The following THSD4 variants were observed in gnomAD, a reference collection of about 807,000 sequenced individuals.
The protein encoded by THSD4 is thrombospondin type-1 domain-containing protein 4.
Under a neutral mutation model 119.0 loss-of-function variants are expected in THSD4, and 69 were observed. The observed-to-expected ratio is 0.58, with a 90% confidence interval of 0.48 to 0.71. The LOEUF is 0.71. Ranked by LOEUF, THSD4 falls within the 30% of genes least tolerant of loss-of-function variation. The pLI is 0.00. For synonymous variants in THSD4, 524 were observed against 540.4 expected, an observed-to-expected ratio of 0.97 and a Z score of 0.42; for missense variants, 1,393 against 1,391.1, an observed-to-expected ratio of 1.00 and a Z score of -0.02.
intron 7 of THSD4, among the ~76,000 whole-genome samples, chr15:71,426,204 C>T (rs966690786): frequency 1.3e-4 from 20 of 152,214 alleles, no homozygotes; most frequent in African/African-American, 4.3e-4. Context: ...AGCTGGGACA[C>T]CACTTGGCTT....
intron 6 of THSD4, among the ~76,000 whole-genome samples, chr15:71,292,693 T>C (rs77111564): frequency 6.6e-6 from 1 of 151,308 alleles, no homozygotes; most frequent in Non-Finnish European, 1.5e-5. Context: ...TTTTTTTTTT[T>C]TGAGACGGAG....
At chr15:71,409,725 C>T (rs769442286) in intron 6 of THSD4, among the ~76,000 whole-genome samples, 14 of 152,064 alleles carry the variant, frequency 9.2e-5, no homozygotes, top group Non-Finnish European at 1.3e-4. Flanking sequence ...GAATAGAAGG[C>T]AGTTTATTGC....
intron 6 of THSD4, among the ~76,000 whole-genome samples, chr15:71,390,050 AC>A (rs1442343704): frequency 2.6e-5 from 4 of 151,956 alleles, no homozygotes; most frequent in Non-Finnish European, 5.9e-5. Flanking sequence ...TGATCCGCCC[AC>A]CTCAGCCTCT....
chr15:71,717,310 A>G (rs1204963425), intron 8 of THSD4, among the ~76,000 whole-genome samples: 1 of 152,262 alleles, frequency 6.6e-6, no homozygotes, highest in African/African-American at 2.4e-5. Flanking sequence ...TGGCAGTTAG[A>G]AAGCAGTTAT....
At chr15:71,621,583 A>T (rs1254892393) in intron 7 of THSD4, among the ~76,000 whole-genome samples, 1 of 152,216 alleles carries the variant, frequency 6.6e-6, no homozygotes, top group Non-Finnish European at 1.5e-5. Flanking sequence ...GTGTTAAGTT[A>T]TTGATATTCT....
At chr15:71,611,560 C>G (rs1430541145) in intron 7 of THSD4, among the ~76,000 whole-genome samples, 1 of 152,158 alleles carries the variant, frequency 6.6e-6, no homozygotes, top group Non-Finnish European at 1.5e-5. Context: ...ACTGGGGACC[C>G]CCAAAGAGCT....
At chr15:71,285,172 T>C (rs1343198342) in intron 6 of THSD4, among the ~76,000 whole-genome samples, 1 of 152,208 alleles carries the variant, frequency 6.6e-6, no homozygotes, top group Non-Finnish European at 1.5e-5. Flanking sequence ...ATTACTCCAT[T>C]AAATAATTTA....
chr15:71,759,205 A>G (rs2053592328), intron 15 of THSD4, among the ~76,000 whole-genome samples: 1 of 152,250 alleles, frequency 6.6e-6, no homozygotes, highest in Non-Finnish European at 1.5e-5. Context: ...TGCAAAAAGC[A>G]TAGGGAAATG....
At chr15:71,522,495 A>G (rs2048457122) in intron 7 of THSD4, among the ~76,000 whole-genome samples, 1 of 152,172 alleles carries the variant, frequency 6.6e-6, no homozygotes, top group Non-Finnish European at 1.5e-5. Flanking sequence ...AATAAGAGAA[A>G]CATGCAACTG....
intron 6 of THSD4, among the ~76,000 whole-genome samples, chr15:71,260,301 T>G (rs1370624287): frequency 6.6e-6 from 1 of 152,200 alleles, no homozygotes; most frequent in African/African-American, 2.4e-5. Flanking sequence ...TTTAACTGAT[T>G]TTTTGGAAAA....
chr15:71,370,022 G>A (rs1247829954), intron 6 of THSD4, among the ~76,000 whole-genome samples: 1 of 151,922 alleles, frequency 6.6e-6, no homozygotes. Context: ...GGGTGTATGT[G>A]TCGAGGAATT....
chr15:71,154,993 A>G, intron 3 of THSD4, 61 bp downstream of exon 3: 1 of 1,513,668 alleles, frequency 6.6e-7, no homozygotes, highest in Non-Finnish European at 9.2e-7. Context: ...CACTGTGGTC[A>G]CTGCCCTGAA....
At chr15:71,335,799 G>A (rs2045482823) in intron 6 of THSD4, among the ~76,000 whole-genome samples, 1 of 152,084 alleles carries the variant, frequency 6.6e-6, no homozygotes, top group Admixed American at 6.5e-5. Flanking sequence ...AGTAACTGAG[G>A]GCTTCTCCAC....
intron 3 of THSD4, among the ~76,000 whole-genome samples, chr15:71,206,670 C>T (rs1353311047): frequency 6.6e-6 from 1 of 152,146 alleles, no homozygotes; most frequent in Non-Finnish European, 1.5e-5. Flanking sequence ...AGTACAGAAA[C>T]CAAATCCATT....
intron 1 of THSD4, among the ~76,000 whole-genome samples, chr15:71,117,494 A>G (rs984016606): frequency 6.6e-6 from 1 of 152,126 alleles, no homozygotes; most frequent in African/African-American, 2.4e-5. Context: ...AATGTTCCCA[A>G]CACTCCCATT....
intron 7 of THSD4, among the ~76,000 whole-genome samples, chr15:71,565,380 C>T (rs977290827): frequency 1.1e-4 from 16 of 152,206 alleles, no homozygotes; most frequent in African/African-American, 3.9e-4. Flanking sequence ...TGTAATGCAG[C>T]CCAGAGCAGA....
intron 4 of THSD4, among the ~76,000 whole-genome samples, chr15:71,221,639 A>G (rs1193562375): frequency 1.3e-5 from 2 of 152,166 alleles, no homozygotes. Context: ...ATAGTATTCC[A>G]TTGCATGTAT....
chr15:71,542,683 C>T (rs1418222939), intron 7 of THSD4, among the ~76,000 whole-genome samples: 2 of 152,016 alleles, frequency 1.3e-5, no homozygotes, highest in Non-Finnish European at 2.9e-5. Flanking sequence ...GGAGACCATC[C>T]TGGCTAAGAT....
At position 71,538,541 on chromosome 15, in the gene THSD4, T is replaced by C. The variant is rs193197697; in HGVS notation, c.1153-121989T>C. On this transcript the variant is annotated intron_variant, in intron 7 of 17. Transcript: ENST00000261862. ...AAAATAAGATTTCATAAAATAATACTTTGTGCAATTTGAATTAAGGTTTTC... is the reference window on the plus strand; with the variant it reads ...AAAATAAGATTTCATAAAATAATACCTTGTGCAATTTGAATTAAGGTTTTC... Among the ~76,000 whole-genome samples, 193 of 152,352 alleles carry C rather than the reference T, an allele frequency of 1.3e-3. 1 individual carries two copies. Among genetic ancestry groups the C allele is most frequent in the Non-Finnish European group, 1.4e-3 (92 of 68,030 alleles).
Sources: gnomAD v4.1 joint callset for allele counts (sites outside exome capture counted in the v4.1 genomes callset) on GRCh38, gnomAD v4.1.1 for gene constraint, MANE v1.5 for transcripts, NCBI Gene and HGNC (gene_info 2026-07-23, HGNC 2026-07-21) for gene names.